TMEM181: variants seen among roughly 807,000 people sequenced by gnomAD.
TMEM181 encodes the protein transmembrane protein 181, also known as G protein-coupled receptor 178.
In TMEM181, 39 loss-of-function variants were observed where a neutral mutation model predicts 71.9. The ratio of observed to expected loss-of-function variants is 0.54; its 90% CI spans 0.42 to 0.71. The LOEUF is 0.71. Among genes scored for constraint, TMEM181 ranks in the 30% least tolerant of loss-of-function variants. The probability of loss-of-function intolerance (pLI) is 0.00; values close to 1 mark genes in which losing one functional copy is unlikely to be tolerated. For missense variants in TMEM181, 595 were observed against 583.0 expected, an observed-to-expected ratio of 1.02 and a Z score of -0.21; for synonymous variants, 245 against 228.8, an observed-to-expected ratio of 1.07 and a Z score of -0.64.
In TMEM181 at chr6:158,633,921, A is replaced by G. The variant is rs1444770926; in HGVS notation, c.*2033A>G. 6.6e-6 allele frequency: 1 copy of G among 152,206 alleles called. No homozygotes were observed. Among genetic ancestry groups the G allele is most frequent in the Non-Finnish European group, 1.5e-5 (1 of 68,034 alleles). 9.4% of individuals were successfully genotyped at this position (152,206 alleles called of 1,614,324 possible). A position where few individuals can be genotyped will look rare whatever the true frequency, so the allele number is the denominator to read the frequency against. Reference sequence around the variant, plus strand: ...TGTGCTGATTAACATATTCTGTGATATGGTTTACAACTTTTAATCATAATT... The same window carrying G: ...TGTGCTGATTAACATATTCTGTGATGTGGTTTACAACTTTTAATCATAATT... On this transcript the variant is annotated 3_prime_UTR_variant, in exon 17 of 17. Transcript: ENST00000684151.
chr6:158,550,163 T>C (rs1276949421), intron 1 of TMEM181, among the ~76,000 whole-genome samples: 3 of 151,728 alleles, frequency 2.0e-5, no homozygotes, highest in Non-Finnish European at 4.4e-5. Flanking sequence ...CAGGAGTCAG[T>C]GTCAAAACCC....
At chr6:158,594,685 CTT>C (rs1324295857) in intron 6 of TMEM181, among the ~76,000 whole-genome samples, 3 of 152,070 alleles carry the variant, frequency 2.0e-5, no homozygotes, top group African/African-American at 7.2e-5. Context: ...TTCTCAACTT[CTT>C]TTTTGTTGTT....
intron 10 of TMEM181, among the ~76,000 whole-genome samples, chr6:158,614,048 A>G (rs180819984): frequency 5.3e-5 from 8 of 152,352 alleles, no homozygotes; most frequent in Admixed American, 3.9e-4. Flanking sequence ...TAGACATCCC[A>G]TACAGTTTTA....
rs370563075 is a variant in TMEM181 at position 158,590,333 on chromosome 6, C to T, written c.492+551C>T. Among the ~76,000 whole-genome samples the T allele has an allele frequency of 7.3e-5, 11 of 151,218 alleles. No individual in the cohort carries two copies. In the South Asian group the frequency reaches 1.0e-3, roughly 14 times the overall value. On this transcript the variant is annotated intron_variant, in intron 6 of 16. Transcript: ENST00000684151. ...TTTCTTATCTGTAAAATAGCTGCCT[C>T]ATAGAGCTGTGAATATTAAATGAAG...
chr6:158,602,980 TAA>T (rs1784750169), intron 6 of TMEM181, among the ~76,000 whole-genome samples: 2 of 152,188 alleles, frequency 1.3e-5, no homozygotes, highest in Admixed American at 6.5e-5. Flanking sequence ...TATCTTCGTC[TAA>T]TGTAATAATG....
exon 1 of TMEM181, chr6:158,536,670 G>T: frequency 6.6e-7 from 1 of 1,515,720 alleles, no homozygotes. Flanking sequence ...TGGGAGAAGA[G>T]AGGGGGCGCA....
At chr6:158,605,391 GA>G in intron 7 of TMEM181, 44 bp downstream of exon 7, 1 of 1,574,848 alleles carries the variant, frequency 6.3e-7, no homozygotes, top group Non-Finnish European at 8.7e-7. Flanking sequence ...TCCCAGCCAG[GA>G]AGAAGCTGGT....
upstream of TMEM181, among the ~76,000 whole-genome samples, chr6:158,557,577 G>A (rs963028419): frequency 2.0e-5 from 3 of 151,702 alleles, no homozygotes; most frequent in Non-Finnish European, 4.4e-5. Flanking sequence ...GAGTGCAGTG[G>A]CGTGATCTTG....
chr6:158,629,114 C>G (rs1048047210), intron 14 of TMEM181, among the ~76,000 whole-genome samples: 1 of 152,152 alleles, frequency 6.6e-6, no homozygotes, highest in African/African-American at 2.4e-5. Context: ...GCCCAGAAGT[C>G]GGAGAGGTTA....
chr6:158,613,739 T>C (rs1318093888), intron 10 of TMEM181, among the ~76,000 whole-genome samples: 5 of 152,244 alleles, frequency 3.3e-5, no homozygotes, highest in Non-Finnish European at 5.9e-5. Flanking sequence ...AATATATTCT[T>C]ACCGCACTGA....
intron 6 of TMEM181, among the ~76,000 whole-genome samples, chr6:158,595,022 A>T (rs1476193024): frequency 1.3e-5 from 2 of 152,212 alleles, no homozygotes; most frequent in African/African-American, 4.8e-5. Flanking sequence ...AAGCAAAAAC[A>T]GAATTTCTTT....
At chr6:158,586,032 C>T (rs553159004) in intron 5 of TMEM181, among the ~76,000 whole-genome samples, 1 of 152,276 alleles carries the variant, frequency 6.6e-6, no homozygotes, top group East Asian at 1.9e-4. Flanking sequence ...GGGTTGTTCC[C>T]AGCCGAGTGA....
intron 6 of TMEM181, among the ~76,000 whole-genome samples, chr6:158,593,011 G>T (rs942520091): frequency 6.6e-6 from 1 of 152,178 alleles, no homozygotes; most frequent in Non-Finnish European, 1.5e-5. Flanking sequence ...CATGAGTGGG[G>T]GGGTGTGAAC....
At chr6:158,571,968 C>T (rs1333835106) in intron 1 of TMEM181, among the ~76,000 whole-genome samples, 2 of 152,248 alleles carry the variant, frequency 1.3e-5, no homozygotes, top group East Asian at 3.9e-4. Flanking sequence ...CCTCCTTCCC[C>T]AGCTCTCTTG....
intron 6 of TMEM181, among the ~76,000 whole-genome samples, chr6:158,601,111 TATA>T (rs148664311): frequency 0.026 from 3,919 of 152,340 alleles, 149 homozygotes; most frequent in African/African-American, 0.089. Context: ...CTATAAATGA[TATA>T]ATGTTATAAA....
At chr6:158,570,184 ACTTGAG>A (rs1782724671) in intron 1 of TMEM181, among the ~76,000 whole-genome samples, 2 of 150,554 alleles carry the variant, frequency 1.3e-5, no homozygotes, top group African/African-American at 4.9e-5. Context: ...TTTAAAAGCT[ACTTGAG>A]CTTTACAGCA....
intron 1 of TMEM181, among the ~76,000 whole-genome samples, chr6:158,541,546 C>A (rs75421022): frequency 0.15 from 22,971 of 152,260 alleles, 2,306 homozygotes; most frequent in Non-Finnish European, 0.21. Context: ...AGCCAGGCGC[C>A]ACGTCTCCCT....
intron 1 of TMEM181, 25 bp downstream of exon 1, chr6:158,560,257 G>A: frequency 1.0e-6 from 1 of 984,472 alleles, no homozygotes; most frequent in Non-Finnish European, 1.2e-6. Flanking sequence ...GAGCGGGCGG[G>A]CTGGCTGGCT....
intron 7 of TMEM181, 128 bp from the exon 8 acceptor site, chr6:158,607,116 G>T (rs1342984854): frequency 1.4e-6 from 1 of 723,756 alleles, no homozygotes; most frequent in South Asian, 1.7e-5. Flanking sequence ...GCTTAAGGCA[G>T]CGACTCTTAG....
Sources: gnomAD v4.1 joint callset for allele counts (sites outside exome capture counted in the v4.1 genomes callset) on GRCh38, gnomAD v4.1.1 for gene constraint, MANE v1.5 for transcripts, NCBI Gene and HGNC (gene_info 2026-07-23, HGNC 2026-07-21) for gene names.